AHNAK2: variants seen among roughly 807,000 people sequenced by gnomAD.
The protein encoded by AHNAK2 is protein AHNAK2.
Under a neutral mutation model 30.7 loss-of-function variants are expected in AHNAK2, and 18 were observed. The ratio of observed to expected loss-of-function variants is 0.59; its 90% confidence interval spans 0.41 to 0.87. The LOEUF is 0.87. AHNAK2 is among the 40% of genes least tolerant of loss of function. The pLI is 0.00. For synonymous variants in AHNAK2, 3,590 were observed against 3,073.8 expected, an observed-to-expected ratio of 1.17 and a Z score of -5.56; for missense variants, 8,604 against 7,373.0, an observed-to-expected ratio of 1.17 and a Z score of -6.11.
chr14:104,973,962 C>T (rs1352556239), intron 1 of AHNAK2, among the ~76,000 whole-genome samples: 1 of 152,312 alleles, frequency 6.6e-6, no homozygotes, highest in East Asian at 1.9e-4. Flanking sequence ...GGGAGTACCG[C>T]CTCCCGCCCC....
chr14:104,943,179 T>G lies in AHNAK2; in HGVS notation c.12272A>C (p.Asp4091Ala). 2 of 1,612,818 alleles carry G rather than the reference T, an allele frequency of 1.2e-6. No homozygotes were observed. The highest frequency in any genetic ancestry group is 1.7e-6 in the Non-Finnish European group (2 of 1,179,514). The change falls in exon 7 of 7, where the codon GAT becomes GCT. Residue 4091 changes from aspartate (D) to alanine (A), a missense_variant. Asp to Ala is a moderately radical substitution (Grantham distance 126). Transcript: ENST00000333244. ...CATGCTGGACAGAGACATCTTCACA[T>G]CAGGGGCTGTCACTTCCGCCTTGGG... is the stretch of plus-strand genomic sequence containing the variant. ...KGPKAEVTAP[D>A]VKMSLSSMEV...
In AHNAK2 at chr14:104,942,828, T is replaced by G. The variant is rs1361901424; in HGVS notation, c.12623A>C (p.Lys4208Thr). ...GAGGTGCCCTTTGAGGCCGGCTCCC[T>G]TGGGCAGGGGGCCCTCCGGGAGTTT... ...DVKLPEGPLP[K>T]GAGLKGHLPK... The change falls in exon 7 of 7, where the codon AAG becomes ACG. Residue 4208 changes from lysine (K) to threonine (T), a missense_variant. Physicochemically the swap from Lys to Thr is moderately conservative, Grantham distance 78 (BLOSUM62 -1). Coordinates refer to ENST00000333244, the MANE Select transcript of AHNAK2 (RefSeq NM_138420.4). 17 of 1,612,582 alleles carry G rather than the reference T, an allele frequency of 1.1e-5. No homozygotes were observed. Among genetic ancestry groups the G allele is most frequent in the Non-Finnish European group, 1.4e-5 (17 of 1,179,568 alleles).
chr14:104,943,475 A>G lies in AHNAK2; in HGVS notation c.11976T>C (p.Asp3992=), dbSNP rs2140828001. Residue 3992 remains aspartate (D), a synonymous_variant, in exon 7 of 7, where the codon GAT becomes GAC. Transcript: ENST00000333244. ...APGKSMEASV[D]VTAPKVEADV... ...CGGCCTCCACCTTTGGCGCGGTCAC[A>G]TCCACTGATGCCTCCATGGACTTGC... 1 of 1,612,100 alleles carries G rather than the reference A, an allele frequency of 6.2e-7. No homozygotes were observed. The highest frequency in any genetic ancestry group is 8.5e-7 in the Non-Finnish European group (1 of 1,179,234).
chr14:104,942,206 C>A lies in AHNAK2; in HGVS notation c.13245G>T (p.Val4415=). The A allele has an allele frequency of 6.2e-7, 1 of 1,612,102 alleles. No individual in the cohort carries two copies. The highest frequency in any genetic ancestry group is 1.1e-5 in the South Asian group (1 of 90,972). The change falls in exon 7 of 7, where the codon GTG becomes GTT. Residue 4415 remains valine (V), a synonymous_variant. Transcript: ENST00000333244. The part of the protein sequence containing the change: ...VPKLDLKGPK[V]EVTSPNLDVS... ...CGTCCAGGTTGGGGGACGTCACCTCCACCTTGGGGCCTTTCAGGTCCAGCT... is the reference window on the plus strand; with the variant it reads ...CGTCCAGGTTGGGGGACGTCACCTCAACCTTGGGGCCTTTCAGGTCCAGCT...
Position 104,950,437 on chromosome 14 carries a change from C to A in AHNAK2, c.5014G>T (p.Ala1672Ser), listed in dbSNP as rs1157087199. ...KFKMPSFGVS[A>S]PGKSIEASVD... is the part of the protein sequence containing the mutation. Reference sequence around the variant, plus strand: ...GAGGCCTCGATGGACTTGCCTGGGGCCGACACCCCAAATGATGGCATCTTG... The same window carrying A: ...GAGGCCTCGATGGACTTGCCTGGGGACGACACCCCAAATGATGGCATCTTG... The change falls in exon 7 of 7, where the codon GCC becomes TCC. Residue 1672 changes from alanine to serine, a missense_variant. By Grantham distance (99) the Ala-to-Ser change is moderately conservative. Coordinates refer to ENST00000333244, the MANE Select transcript of AHNAK2 (RefSeq NM_138420.4). 2 of 1,586,822 alleles carry A rather than the reference C, an allele frequency of 1.3e-6. No homozygotes were observed. Among genetic ancestry groups the A allele is most frequent in the Middle Eastern group, 1.7e-4 (1 of 6,024 alleles).
In AHNAK2 at chr14:104,948,587, G is replaced by C. The variant is rs1434792232; in HGVS notation, c.6864C>G (p.Val2288=). Residue 2288 remains valine, a synonymous_variant, in exon 7 of 7, where the codon GTC becomes GTG. Transcript: ENST00000333244. The stretch of plus-strand genomic sequence containing the variant: ...CATCCAGCTTGGCTCCTGGGGCCTT[G>C]ACGTCCACCTCCACGCTGGGCAGAG... ...EVSLPSVEVD[V]KAPGAKLDGA... 1.2e-6 allele frequency: 2 copies of C among 1,612,694 alleles called. No homozygotes were observed. The highest frequency in any genetic ancestry group is 1.7e-6 in the Non-Finnish European group (2 of 1,179,790).
rs1343596735 is a variant in AHNAK2 at position 104,944,898 on chromosome 14, G to C, written c.10553C>G (p.Ala3518Gly). The C allele has an allele frequency of 2.5e-6, 4 of 1,613,152 alleles. No individual in the cohort carries two copies. In the Admixed American group the frequency reaches 6.7e-5, roughly 27 times the overall value. Residue 3518 changes from alanine (A) to glycine (G), a missense_variant, in exon 7 of 7, where the codon GCC (alanine) becomes GGC (glycine). Physicochemically the swap from Ala to Gly is moderately conservative, Grantham distance 60. Transcript: ENST00000333244. ...AGGGGGCTGAATGCTGAGGTCAGTG[G>C]CCTTGAGGTCCCCCTGCATGGAGGA... ...SLSSMQGDLK[A>G]TDLSIQPPSA...
chr14:104,972,005 C>T (rs746950684), intron 1 of AHNAK2, among the ~76,000 whole-genome samples: 18 of 152,224 alleles, frequency 1.2e-4, no homozygotes, highest in Non-Finnish European at 2.6e-4. Flanking sequence ...AGAGGGCTGC[C>T]CCCGCCACGG....
In AHNAK2 at chr14:104,953,857, C is replaced by A. The variant is rs1898882508; in HGVS notation, c.1594G>T (p.Val532Leu). ...CCCGGCATCCACCCGGCTCCTTCCA[C>A]CTCCTCACCCTTCAGGCCAGTACCC... ...KAGTGLKGEE[V>L]EGAGWMPGRE... Residue 532 changes from valine (V) to leucine (L), a missense_variant, in exon 7 of 7, where the codon GTG becomes TTG. Val to Leu is a conservative substitution (Grantham distance 32, BLOSUM62 1). Transcript: ENST00000333244. 2 of 1,613,880 alleles carry A rather than the reference C, an allele frequency of 1.2e-6. No individual in the cohort carries two copies. Among genetic ancestry groups the A allele is most frequent in the Non-Finnish European group, 1.7e-6 (2 of 1,179,900 alleles).
intron 4 of AHNAK2, among the ~76,000 whole-genome samples, chr14:104,955,975 AT>A (rs34838709): frequency 0.41 from 63,094 of 152,096 alleles, 13,838 homozygotes; most frequent in Middle Eastern, 0.6. Flanking sequence ...TCCTTCATGC[AT>A]TCTTCACAAA....
Position 104,944,243 on chromosome 14 carries a change from G to C in AHNAK2, c.11208C>G (p.Leu3736=). Residue 3736 remains leucine (L), a synonymous_variant, in exon 7 of 7, where the codon CTC becomes CTG. Coordinates refer to ENST00000333244, the MANE Select transcript of AHNAK2 (RefSeq NM_138420.4). ...MPSLKMPKVD[L]KGPQVDIKGP... ...CCTTGATGTCCACCTGGGGGCCCTT[G>C]AGGTCCACTTTGGGCATCTTCAAAC... is the stretch of plus-strand genomic sequence containing the variant. 1 of 1,612,918 alleles carries C rather than the reference G, an allele frequency of 6.2e-7. No individual in the cohort carries two copies.
chr14:104,970,627 G>T, intron 1 of AHNAK2: 1 of 621,410 alleles, frequency 1.6e-6, no homozygotes, highest in Non-Finnish European at 2.0e-6. Flanking sequence ...TCCCACCAGA[G>T]GGAGTGGGCG....
Position 104,957,652 on chromosome 14 carries a change from G to C in AHNAK2, c.76C>G (p.Pro26Ala). Residue 26 changes from proline (P) to alanine (A), a missense_variant, in exon 2 of 7, where the codon CCC becomes GCC. Coordinates refer to ENST00000333244, the MANE Select transcript of AHNAK2 (RefSeq NM_138420.4). Reference sequence around the variant, plus strand: ...TCCGTTTCTGCACCTGGCTCCCCGGGCTGCAGCTGACGGCCGGACACTGCA... The same window carrying C: ...TCCGTTTCTGCACCTGGCTCCCCGGCCTGCAGCTGACGGCCGGACACTGCA... ...PGSVSGRQLQPGEPGAETEDD... is the reference protein window; with the variant it reads ...PGSVSGRQLQAGEPGAETEDD... The C allele has an allele frequency of 6.2e-7, 1 of 1,611,072 alleles. No individual in the cohort carries two copies. The highest frequency in any genetic ancestry group is 8.5e-7 in the Non-Finnish European group (1 of 1,179,170).
rs1425237693 is a variant in AHNAK2, at chr14:104,943,637, G to A, written c.11814C>T (p.Val3938=). 28 of 1,613,060 alleles carry A rather than the reference G, an allele frequency of 1.7e-5. No homozygotes were observed. In the Middle Eastern group the frequency reaches 4.9e-4, roughly 28 times the overall value. The change falls in exon 7 of 7, where the codon GTC becomes GTT. Residue 3938 remains valine (V), a synonymous_variant. Coordinates refer to ENST00000333244, the MANE Select transcript of AHNAK2 (RefSeq NM_138420.4). ...EVSLPSVEVD[V]EAPGAKLDGA... ...CATCCAGCTTGGCTCCTGGGGCCTC[G>A]ACGTCCACCTCCACGCTGGGCAGAG...
chr14:104,956,851 A>G (rs1898990647), intron 3 of AHNAK2, among the ~76,000 whole-genome samples, 162 bp from the exon 4 acceptor site: 2 of 152,116 alleles, frequency 1.3e-5, no homozygotes, highest in African/African-American at 4.8e-5. Flanking sequence ...AGGCACATCC[A>G]CAGAGAAAAG....
chr14:104,970,002 C>G (rs932139852), intron 1 of AHNAK2, among the ~76,000 whole-genome samples: 1 of 152,176 alleles, frequency 6.6e-6, no homozygotes, highest in African/African-American at 2.4e-5. Flanking sequence ...ACCAAGCAAG[C>G]ACACGGTCAT....
At position 104,952,629 on chromosome 14, in the gene AHNAK2, G is replaced by C. The variant is rs1268875670; in HGVS notation, c.2822C>G (p.Pro941Arg). ...CTTGGGGCCTTTCAGGTCCAGCTTGGGGCCCTTAACATCTATCTGGGGGCC... is the reference window on the plus strand; with the variant it reads ...CTTGGGGCCTTTCAGGTCCAGCTTGCGGCCCTTAACATCTATCTGGGGGCC... ...LKGPQIDVKG[P>R]KLDLKGPKAE... The change falls in exon 7 of 7, where the codon CCC (proline) becomes CGC (arginine). Residue 941 changes from proline to arginine, a missense_variant. By Grantham distance (103) the Pro-to-Arg change is moderately radical (BLOSUM62 -2). Coordinates refer to ENST00000333244, the MANE Select transcript of AHNAK2 (RefSeq NM_138420.4). 4.3e-6 allele frequency: 7 copies of C among 1,612,102 alleles called. No individual in the cohort carries two copies. Among genetic ancestry groups the C allele is most frequent in the Non-Finnish European group, 5.9e-6 (7 of 1,179,454 alleles).
intron 1 of AHNAK2, among the ~76,000 whole-genome samples, chr14:104,971,638 TC>T (rs1899474493): frequency 1.3e-5 from 2 of 151,932 alleles, no homozygotes; most frequent in Admixed American, 1.3e-4. Context: ...TGACCCCAAG[TC>T]CCCCACTATC....
rs548510094 is a variant in AHNAK2, at chr14:104,949,256, A to T, written c.6195T>A (p.Ala2065=). ...CCTTGGGCAGGTGCCCTTTGAGGCC[A>T]GCTCCCTCGGGCACGTGGCCCTCCG... ...KLPEGHVPEG[A]GLKGHLPKVE... The change falls in exon 7 of 7, where the codon GCT becomes GCA. Residue 2065 remains alanine, a synonymous_variant. Transcript: ENST00000333244. 2 of 1,059,102 alleles carry T rather than the reference A, an allele frequency of 1.9e-6. 1 individual carries two copies. Among genetic ancestry groups the T allele is most frequent in the Non-Finnish European group, 2.7e-6 (2 of 729,974 alleles). 65.6% of individuals were successfully genotyped at this position (1,059,102 alleles called of 1,614,324 possible).
Sources: gnomAD v4.1 joint callset for allele counts (sites outside exome capture counted in the v4.1 genomes callset) on GRCh38, gnomAD v4.1.1 for gene constraint, MANE v1.5 for transcripts, NCBI Gene and HGNC (gene_info 2026-07-23, HGNC 2026-07-21) for gene names.